RUNX1T1: variants seen among roughly 807,000 people sequenced by gnomAD.
RUNX1T1 encodes the protein protein CBFA2T1.
RUNX1T1 carries 4 observed loss-of-function variants against 62.8 expected under a neutral mutation model. The observed-to-expected ratio is 0.06, with a 90% CI of 0.03 to 0.15. RUNX1T1 has a LOEUF of 0.15. RUNX1T1 is among the 10% of genes least tolerant of loss of function. The probability of loss-of-function intolerance (pLI) is 1.00; values close to 1 mark genes in which losing one functional copy is unlikely to be tolerated. For synonymous variants in RUNX1T1, 291 were observed against 286.0 expected (o/e 1.02, Z -0.18); for missense variants, 508 against 754.3 (o/e 0.67, Z 3.82).
At chr8:92,057,094 T>A (rs1831164643) in intron 1 of RUNX1T1, among the ~76,000 whole-genome samples, 1 of 152,222 alleles carries the variant, frequency 6.6e-6, no homozygotes, top group Non-Finnish European at 1.5e-5. Flanking sequence ...AGAGGAATAG[T>A]AATACACAGA....
At chr8:92,077,354 G>A (rs1399697721) in intron 1 of RUNX1T1, among the ~76,000 whole-genome samples, 1 of 151,996 alleles carries the variant, frequency 6.6e-6, no homozygotes, top group African/African-American at 2.4e-5. Flanking sequence ...ATTAACAAAT[G>A]ATAAAGCAAA....
At chr8:92,025,097 C>T (rs1824884142) in intron 1 of RUNX1T1, among the ~76,000 whole-genome samples, 1 of 152,232 alleles carries the variant, frequency 6.6e-6, no homozygotes, top group South Asian at 2.1e-4. Context: ...TTCCAGAGGG[C>T]TACTCATTTC....
chr8:92,065,489 A>C (rs1832741660), upstream of RUNX1T1, among the ~76,000 whole-genome samples: 1 of 152,230 alleles, frequency 6.6e-6, no homozygotes. Flanking sequence ...AATTTTTTAG[A>C]GAGAGTCATC....
At position 92,037,140 on chromosome 8, in the gene RUNX1T1, T is replaced by C. The variant is rs555592387; in HGVS notation, c.8-19777A>G. Among the ~76,000 whole-genome samples the C allele has an allele frequency of 4.6e-5, 7 of 152,258 alleles. No individual in the cohort carries two copies. In the South Asian group the frequency reaches 1.5e-3, roughly 32 times the overall value. On this transcript the variant is annotated intron_variant, in intron 1 of 10. Transcript: ENST00000396218. ...GGGAGAATGGGCTACTGAATCAGAA[T>C]TACCTGAGAAATTCTGAAATAAACT...
intron 1 of RUNX1T1, among the ~76,000 whole-genome samples, chr8:92,087,621 G>T (rs547664311): frequency 6.6e-6 from 1 of 152,238 alleles, no homozygotes; most frequent in South Asian, 2.1e-4. Context: ...TTATCATTCA[G>T]TGGGAACTGA....
chr8:91,960,618 A>G, intron 10 of RUNX1T1, 101 bp from the exon 12 acceptor site: 2 of 1,256,518 alleles, frequency 1.6e-6, no homozygotes, highest in Non-Finnish European at 2.2e-6. Flanking sequence ...TATTTTCAAG[A>G]ACTATACAGT....
chr8:92,012,980 T>C (rs577713746), intron 3 of RUNX1T1, among the ~76,000 whole-genome samples: 1 of 152,200 alleles, frequency 6.6e-6, no homozygotes, highest in East Asian at 1.9e-4. Context: ...TTGGGAAAAA[T>C]CTACTTAAAG....
intron 2 of RUNX1T1, 41 bp downstream of exon 3, chr8:92,017,185 A>G: frequency 7.3e-7 from 1 of 1,371,834 alleles, no homozygotes; most frequent in East Asian, 2.3e-5. Context: ...TTTAATTTAA[A>G]CTTTAAAACT....
At chr8:92,004,982 G>T in intron 5 of RUNX1T1, 134 bp downstream of exon 6, 1 of 745,082 alleles carries the variant, frequency 1.3e-6, no homozygotes, top group Non-Finnish European at 2.1e-6. Context: ...AGATTCTCAA[G>T]ATGGCCACAA....
chr8:91,993,484 A>G (rs1818078580), intron 5 of RUNX1T1, among the ~76,000 whole-genome samples: 1 of 151,976 alleles, frequency 6.6e-6, no homozygotes, highest in Non-Finnish European at 1.5e-5. Flanking sequence ...CGGGCAGGGG[A>G]CCCTTAGGAC....
chr8:92,014,266 G>A (rs1822552263), intron 3 of RUNX1T1, among the ~76,000 whole-genome samples: 1 of 148,644 alleles, frequency 6.7e-6, no homozygotes, highest in African/African-American at 2.6e-5. Context: ...CTGAAATACT[G>A]AAATACACGT....
intron 5 of RUNX1T1, among the ~76,000 whole-genome samples, chr8:92,001,222 TTTTG>T (rs1282579201): frequency 6.6e-6 from 1 of 152,158 alleles, no homozygotes; most frequent in African/African-American, 2.4e-5. Flanking sequence ...TGTGTGATTT[TTTTG>T]TTTTGGTATG....
chr8:91,994,326 T>C (rs1818270032), intron 5 of RUNX1T1, among the ~76,000 whole-genome samples: 1 of 152,256 alleles, frequency 6.6e-6, no homozygotes, highest in African/African-American at 2.4e-5. Context: ...TACTGATTTA[T>C]CATCTAAGAA....
At chr8:92,084,585 G>A (rs1220489707) in intron 1 of RUNX1T1, among the ~76,000 whole-genome samples, 2 of 152,292 alleles carry the variant, frequency 1.3e-5, no homozygotes, top group African/African-American at 4.8e-5. Flanking sequence ...TACCCCAACT[G>A]TTCCAGACTC....
chr8:92,050,185 G>T lies in RUNX1T1; in HGVS notation c.7+12361C>A, dbSNP rs963601908. On this transcript the variant is annotated intron_variant, in intron 1 of 10. Coordinates refer to ENST00000396218, the Ensembl canonical transcript of RUNX1T1. The stretch of plus-strand genomic sequence containing the variant: ...ATTTTTGTTAAGAAGAAGAAATCAG[G>T]GGGAGGAAAATCTAGGTTGTTTCAC... 4.0e-4 allele frequency among the ~76,000 whole-genome samples: 61 copies of T among 152,108 alleles called. 3 individuals carry two copies. Among genetic ancestry groups the T allele is most frequent in the Non-Finnish European group, 4.0e-4 (27 of 68,000 alleles).
intron 4 of RUNX1T1, chr8:92,009,979 T>TTC (rs1372570092): frequency 2.0e-5 from 3 of 152,180 alleles, no homozygotes; most frequent in African/African-American, 7.2e-5. Context: ...ATCCAGAAAG[T>TTC]TCAGAATTGG....
chr8:92,001,143 T>C (rs906549460), intron 5 of RUNX1T1, among the ~76,000 whole-genome samples: 2 of 151,860 alleles, frequency 1.3e-5, no homozygotes, highest in Non-Finnish European at 2.9e-5. Flanking sequence ...CTGGGCAACA[T>C]AGCGAGACAC....
At chr8:92,045,286 C>G (rs184938753) in intron 1 of RUNX1T1, among the ~76,000 whole-genome samples, 11 of 152,174 alleles carry the variant, frequency 7.2e-5, no homozygotes, top group Non-Finnish European at 1.3e-4. Context: ...TCCATTTTCT[C>G]AAAATTGTCT....
chr8:91,987,040 A>G (rs1349430531), intron 6 of RUNX1T1, 68 bp from the exon 8 acceptor site: 1 of 1,036,042 alleles, frequency 9.7e-7, no homozygotes, highest in Non-Finnish European at 1.5e-6. Context: ...ACACAGACTC[A>G]TAGCAAGGAC....
Sources: gnomAD v4.1 joint callset for allele counts (sites outside exome capture counted in the v4.1 genomes callset) on GRCh38, gnomAD v4.1.1 for gene constraint, MANE v1.5 for transcripts, NCBI Gene and HGNC (gene_info 2026-07-23, HGNC 2026-07-21) for gene names.